The following SLC25A48 variants were observed in gnomAD, a reference collection of about 807,000 sequenced individuals.
SLC25A48 encodes solute carrier family 25 member 48.
Under a neutral mutation model 32.2 loss-of-function variants are expected in SLC25A48, and 29 were observed. That is an observed-to-expected ratio of 0.90 (90% CI 0.67 to 1.23). SLC25A48 has a LOEUF of 1.23. Among genes scored for constraint, SLC25A48 ranks in the 50% most tolerant of loss-of-function variants. The pLI is 0.00. For synonymous variants in SLC25A48, 164 were observed against 172.3 expected (o/e 0.95, Z 0.38); for missense variants, 399 against 422.7 (o/e 0.94, Z 0.49).
chr5:135,881,518 A>G (rs1339635819), intron 7 of SLC25A48, among the ~76,000 whole-genome samples: 1 of 152,246 alleles, frequency 6.6e-6, no homozygotes, highest in East Asian at 1.9e-4. Flanking sequence ...GCCCTTTCTT[A>G]TAAAAGGAAA....
intron 1 of SLC25A48, among the ~76,000 whole-genome samples, chr5:135,606,058 C>T (rs1425829512): frequency 6.6e-6 from 1 of 152,128 alleles, no homozygotes; most frequent in African/African-American, 2.4e-5. Context: ...AAAAAAAAAT[C>T]TGGCCTTTCA....
intron 3 of SLC25A48, among the ~76,000 whole-genome samples, chr5:135,803,898 G>T (rs995999471): frequency 2.0e-5 from 3 of 151,508 alleles, no homozygotes; most frequent in Non-Finnish European, 3.0e-5. Context: ...ATCTTCATAG[G>T]ATATTATGAA....
chr5:135,712,699 G>A (rs1754695570), intron 3 of SLC25A48, among the ~76,000 whole-genome samples: 2 of 152,166 alleles, frequency 1.3e-5, no homozygotes, highest in African/African-American at 2.4e-5. Flanking sequence ...GGAGGAGAGG[G>A]TACTCCAAAA....
At chr5:135,735,242 G>A (rs912627905) in intron 3 of SLC25A48, among the ~76,000 whole-genome samples, 2 of 152,202 alleles carry the variant, frequency 1.3e-5, no homozygotes, top group African/African-American at 4.8e-5. Flanking sequence ...TTGTCTCACG[G>A]TGGAGGCAAG....
intron 3 of SLC25A48, among the ~76,000 whole-genome samples, chr5:135,733,317 T>C (rs1452639715): frequency 6.6e-6 from 1 of 151,740 alleles, no homozygotes; most frequent in East Asian, 1.9e-4. Context: ...AAGAAGGAAA[T>C]GTGGGGAAAT....
rs144919302 is a variant in SLC25A48, at chr5:135,626,029, G to T, written c.-848-3208G>T. On this transcript the variant is annotated intron_variant, in intron 1 of 10. Coordinates refer to the SLC25A48 transcript ENST00000646290. ...CCCCTGTGCTCTCCAAAAGTCAACA[G>T]CAGGCCCTAAAACCCAGGCTGAACC... Among the ~76,000 whole-genome samples the T allele has an allele frequency of 8.4e-4, 128 of 152,346 alleles. 4 individuals carry two copies. The East Asian group carries it at 0.022, about 26-fold the overall frequency.
chr5:135,792,693 G>T (rs138881013), intron 3 of SLC25A48, among the ~76,000 whole-genome samples: 3 of 151,700 alleles, frequency 2.0e-5, no homozygotes, highest in East Asian at 1.9e-4. Flanking sequence ...CACCATATTT[G>T]TACTCCCTGG....
At chr5:135,737,172 C>T (rs1240670128) in intron 3 of SLC25A48, among the ~76,000 whole-genome samples, 1 of 151,824 alleles carries the variant, frequency 6.6e-6, no homozygotes, top group Non-Finnish European at 1.5e-5. Context: ...TGCAGGCAGG[C>T]TGATCCGAAA....
At chr5:135,592,516 C>T (rs1273510097) in intron 1 of SLC25A48, among the ~76,000 whole-genome samples, 3 of 152,180 alleles carry the variant, frequency 2.0e-5, no homozygotes, top group South Asian at 2.1e-4. Context: ...TAGAGAAGGG[C>T]GTGTTAAGGG....
At chr5:135,736,694 A>T (rs1755368469) in intron 3 of SLC25A48, among the ~76,000 whole-genome samples, 2 of 152,174 alleles carry the variant, frequency 1.3e-5, no homozygotes, top group African/African-American at 4.8e-5. Context: ...CCTCTGAAAC[A>T]TGGGTGAATA....
intron 3 of SLC25A48, among the ~76,000 whole-genome samples, chr5:135,684,903 T>C (rs897026279): frequency 6.6e-6 from 1 of 152,158 alleles, no homozygotes; most frequent in Non-Finnish European, 1.5e-5. Flanking sequence ...GCAGTGTAGA[T>C]TTATCTCTTC....
At chr5:135,875,008 G>A (rs1431346172) in intron 6 of SLC25A48, 2 of 365,628 alleles carry the variant, frequency 5.5e-6, no homozygotes, top group Non-Finnish European at 9.7e-6. Flanking sequence ...TCCCTTCCAT[G>A]AAGGGCGGGG....
chr5:135,681,412 T>C (rs1256550335), intron 3 of SLC25A48, among the ~76,000 whole-genome samples: 4 of 152,254 alleles, frequency 2.6e-5, no homozygotes, highest in African/African-American at 9.6e-5. Flanking sequence ...ACAAGTTCAG[T>C]TGGGTCTTTT....
At chr5:135,762,842 AAG>A (rs1299534633) in intron 3 of SLC25A48, among the ~76,000 whole-genome samples, 1 of 151,930 alleles carries the variant, frequency 6.6e-6, no homozygotes, top group African/African-American at 2.4e-5. Context: ...GAGTTTGTAA[AAG>A]AATCAGTGGG....
chr5:135,752,069 A>T (rs1013837397), intron 3 of SLC25A48, among the ~76,000 whole-genome samples: 6 of 152,224 alleles, frequency 3.9e-5, no homozygotes, highest in Admixed American at 2.0e-4. Context: ...CTAAAACTAT[A>T]ACATGTCCAG....
At chr5:135,671,994 A>G (rs1278975646) in intron 3 of SLC25A48, among the ~76,000 whole-genome samples, 2 of 151,958 alleles carry the variant, frequency 1.3e-5, no homozygotes, top group Admixed American at 6.6e-5. Flanking sequence ...TGGCCTTCCC[A>G]GAGGAATTGG....
chr5:135,648,203 G>A (rs1753017606), intron 3 of SLC25A48, among the ~76,000 whole-genome samples: 1 of 152,174 alleles, frequency 6.6e-6, no homozygotes, highest in Non-Finnish European at 1.5e-5. Context: ...CTGCTCTTGG[G>A]CTGCCTCTGG....
intron 3 of SLC25A48, among the ~76,000 whole-genome samples, chr5:135,765,814 C>T (rs915294899): frequency 6.6e-6 from 1 of 151,446 alleles, no homozygotes; most frequent in Admixed American, 6.6e-5. Context: ...GGGGCATACA[C>T]CTTCCTGTGA....
chr5:135,677,175 C>T (rs966770219), intron 3 of SLC25A48, among the ~76,000 whole-genome samples: 3 of 151,936 alleles, frequency 2.0e-5, no homozygotes, highest in Non-Finnish European at 2.9e-5. Context: ...GTCATATTCT[C>T]TTGCTGGATT....
Sources: gnomAD v4.1 joint callset for allele counts (sites outside exome capture counted in the v4.1 genomes callset) on GRCh38, gnomAD v4.1.1 for gene constraint, MANE v1.5 for transcripts, NCBI Gene and HGNC (gene_info 2026-07-23, HGNC 2026-07-21) for gene names.